The following CRYBG3 variants were observed in gnomAD, a reference collection of about 807,000 sequenced individuals.
The protein encoded by CRYBG3 is very large A-kinase anchor protein.
In CRYBG3, 127 loss-of-function variants were observed where a neutral mutation model predicts 244.2. That is an observed-to-expected ratio of 0.52 (90% CI 0.45 to 0.60). The LOEUF is 0.60. Ranked by LOEUF, CRYBG3 falls within the 20% of genes least tolerant of loss-of-function variation. CRYBG3 has a pLI of 0.00. For synonymous variants in CRYBG3, 1,132 were observed against 1,195.8 expected, an observed-to-expected ratio of 0.95 and a Z score of 1.10; for missense variants, 3,325 against 3,442.5, an observed-to-expected ratio of 0.97 and a Z score of 0.85.
At chr3:97,912,026 T>C in intron 15 of CRYBG3, 141 bp from the exon 16 acceptor site, 1 of 463,668 alleles carries the variant, frequency 2.2e-6, no homozygotes, top group South Asian at 4.2e-5. Context: ...ATCCCTAACA[T>C]GAATTCATTG....
intron 4 of CRYBG3, among the ~76,000 whole-genome samples, chr3:97,878,567 G>C (rs929341928): frequency 6.6e-6 from 1 of 152,162 alleles, no homozygotes; most frequent in Admixed American, 6.5e-5. Flanking sequence ...AATTTAAAAA[G>C]CATAATACTG....
chr3:97,917,969 A>G (rs1259339930), intron 17 of CRYBG3, among the ~76,000 whole-genome samples: 5 of 152,084 alleles, frequency 3.3e-5, no homozygotes, highest in South Asian at 2.1e-4. Context: ...TCTCCCCACT[A>G]TCTTCGTAGT....
intron 15 of CRYBG3, among the ~76,000 whole-genome samples, chr3:97,901,660 G>C (rs969501062): frequency 1.4e-4 from 21 of 152,154 alleles, no homozygotes; most frequent in Non-Finnish European, 2.6e-4. Flanking sequence ...GTAGATAGAA[G>C]AAAGAGAAGT....
At position 97,877,332 on chromosome 3, in the gene CRYBG3, T is replaced by G. The variant is rs1352804081; in HGVS notation, c.6138T>G (p.Thr2046=). The change falls in exon 4 of 22, where the codon ACT becomes ACG. Residue 2046 remains threonine (T), a synonymous_variant. Transcript: ENST00000389622. ...CATGTGAAAGGTCTGAGAGTAGAAC[T>G]GACCTTGTCCATCACTTTGAAAAAG... The part of the protein sequence containing the change: ...VLACERSESR[T]DLVHHFEKGT... 2.5e-6 allele frequency: 4 copies of G among 1,613,866 alleles called. No homozygotes were observed. The highest frequency in any genetic ancestry group is 1.7e-5 in the Admixed American group (1 of 60,018).
At chr3:97,922,986 T>C (rs1210304824) in intron 17 of CRYBG3, among the ~76,000 whole-genome samples, 2 of 152,028 alleles carry the variant, frequency 1.3e-5, no homozygotes, top group Non-Finnish European at 2.9e-5. Flanking sequence ...GGCACATATA[T>C]ACCATGGAAT....
intron 14 of CRYBG3, 113 bp from the exon 15 acceptor site, chr3:97,900,338 ACT>A: frequency 1.6e-6 from 1 of 638,562 alleles, no homozygotes; most frequent in South Asian, 1.9e-5. Flanking sequence ...ACAGAGGAAT[ACT>A]CTGTCTCAAA....
intron 17 of CRYBG3, chr3:97,933,430 A>G (rs533980277): frequency 8.3e-6 from 4 of 482,730 alleles, no homozygotes; most frequent in South Asian, 7.7e-5. Context: ...ATTTGGAATC[A>G]TGGGTCTCTT....
intron 13 of CRYBG3, 26 bp downstream of exon 13, chr3:97,899,051 G>T: frequency 6.2e-7 from 1 of 1,604,048 alleles, no homozygotes; most frequent in Non-Finnish European, 8.5e-7. Context: ...TAAGAACCTT[G>T]AGAGTCTTTG....
intron 2 of CRYBG3, among the ~76,000 whole-genome samples, chr3:97,855,925 G>A (rs1266494406): frequency 1.3e-5 from 2 of 152,050 alleles, no homozygotes; most frequent in Non-Finnish European, 2.9e-5. Context: ...ATGAAGTTTC[G>A]GACACCACTG....
chr3:97,916,058 A>G (rs2039925587), intron 17 of CRYBG3, among the ~76,000 whole-genome samples: 1 of 152,186 alleles, frequency 6.6e-6, no homozygotes, highest in South Asian at 2.1e-4. Flanking sequence ...AAAAATAAAA[A>G]TAAAATAATA....
intron 17 of CRYBG3, among the ~76,000 whole-genome samples, chr3:97,922,592 C>T (rs1344280150): frequency 1.3e-5 from 2 of 152,158 alleles, no homozygotes; most frequent in East Asian, 3.9e-4. Context: ...AAAAAATGCT[C>T]ATCATCACTG....
At chr3:97,884,416 GGTATCTT>G (rs2039484695) in intron 7 of CRYBG3, among the ~76,000 whole-genome samples, 1 of 151,942 alleles carries the variant, frequency 6.6e-6, no homozygotes, top group South Asian at 2.1e-4. Context: ...GCAGGACTGA[GGTATCTT>G]ATATAAGGTA....
chr3:97,883,949 G>A (rs1003780673), intron 7 of CRYBG3, among the ~76,000 whole-genome samples: 4 of 152,060 alleles, frequency 2.6e-5, no homozygotes, highest in Admixed American at 6.6e-5. Context: ...AGACTTTAAT[G>A]TCCTTTAAAG....
Position 97,943,598 on chromosome 3 carries a change from TTC to T in CRYBG3, c.*289_*290del. The T allele has an allele frequency of 2.8e-6, 1 of 353,310 alleles. No homozygotes were observed. The highest frequency in any genetic ancestry group is 5.1e-6 in the Non-Finnish European group (1 of 197,042). The allele number at this position is 353,310 out of a possible 1,614,324, so 21.9% of individuals were successfully genotyped here. A position where few individuals can be genotyped will look rare whatever the true frequency, so the allele number is the denominator to read the frequency against. On this transcript the variant is annotated 3_prime_UTR_variant, in exon 22 of 22. Coordinates refer to ENST00000389622, the MANE Select transcript of CRYBG3 (RefSeq NM_153605.4). ...GAGCAAGTTTCCTGAAGTGTTTATT[TTC>T]TCTCATATCCACCAAACGTGAATCC...
chr3:97,842,933 A>G (rs2038843660), intron 1 of CRYBG3, among the ~76,000 whole-genome samples: 2 of 152,200 alleles, frequency 1.3e-5, no homozygotes, highest in Admixed American at 1.3e-4. Context: ...GTTCAGATAT[A>G]TCATTACTGT....
rs1290927273 is a variant in CRYBG3 at position 97,881,165 on chromosome 3, C to T, written c.7098C>T (p.Asn2366=). The part of the protein sequence containing the change: ...KVLNRDWILQ[N]RRHPQRNFIL... ...TAAATCGTGACTGGATTCTTCAGAA[C>T]AGAAGGCATCCACAAAGAAACTTTA... The change falls in exon 7 of 22, where the codon AAC becomes AAT. Residue 2366 remains asparagine, a synonymous_variant. Coordinates refer to ENST00000389622, the MANE Select transcript of CRYBG3 (RefSeq NM_153605.4). 1.6e-5 allele frequency: 26 copies of T among 1,611,398 alleles called. No individual in the cohort carries two copies. In the Admixed American group the frequency reaches 4.3e-4, roughly 27 times the overall value.
chr3:97,841,411 T>C lies in CRYBG3; in HGVS notation c.150-1784T>C, dbSNP rs189324810. 1.1e-3 allele frequency among the ~76,000 whole-genome samples: 162 copies of C among 152,134 alleles called. 4 individuals are homozygous for C. Among genetic ancestry groups the C allele is most frequent in the Admixed American group, 0.011 (162 of 15,258 alleles). On this transcript the variant is annotated intron_variant, in intron 1 of 21. Coordinates refer to ENST00000389622, the MANE Select transcript of CRYBG3 (RefSeq NM_153605.4). ...AAGGATCTGTTTAGCGGTATCCGTT[T>C]GGTCCATGTGTTTCTGCATGGAGTC... is the stretch of plus-strand genomic sequence containing the variant.
In CRYBG3 at chr3:97,874,929, G is replaced by A; in HGVS notation, c.3735G>A (p.Glu1245=). 1 of 1,535,660 alleles carries A rather than the reference G, an allele frequency of 6.5e-7. No individual in the cohort carries two copies. Among genetic ancestry groups the A allele is most frequent in the Non-Finnish European group, 8.7e-7 (1 of 1,146,752 alleles). Residue 1245 remains glutamate, a synonymous_variant, in exon 4 of 22, where the codon GAG becomes GAA. Coordinates refer to ENST00000389622, the MANE Select transcript of CRYBG3 (RefSeq NM_153605.4). Reference sequence around the variant, plus strand: ...GTACCCTGAAAGAAGACATCTCTGAGAAAAACCCATCAGAAGTGACACTAA... The same window carrying A: ...GTACCCTGAAAGAAGACATCTCTGAAAAAAACCCATCAGAAGTGACACTAA... ...NLGTLKEDIS[E]KNPSEVTLTE... is the part of the protein sequence containing the mutation.
chr3:97,944,843 A>C lies in CRYBG3; in HGVS notation c.*1529A>C, dbSNP rs527792962. On this transcript the variant is annotated 3_prime_UTR_variant, in exon 22 of 22. Transcript: ENST00000389622. ...TTTGAAATTTTTCTAGAGCCAAAGA[A>C]GCTCTTTAAAGAAGTTGTTTCTTCC... The C allele has an allele frequency of 4.0e-4, 68 of 168,980 alleles. No homozygotes were observed. Among genetic ancestry groups the C allele is most frequent in the Middle Eastern group, 2.6e-3 (1 of 380 alleles). 10.5% of individuals were successfully genotyped at this position (168,980 alleles called of 1,614,324 possible).
Sources: gnomAD v4.1 joint callset for allele counts (sites outside exome capture counted in the v4.1 genomes callset) on GRCh38, gnomAD v4.1.1 for gene constraint, MANE v1.5 for transcripts, NCBI Gene and HGNC (gene_info 2026-07-23, HGNC 2026-07-21) for gene names.